CDH13: variants seen among roughly 807,000 people sequenced by gnomAD.
The protein encoded by CDH13 is cadherin-13.
A neutral mutation model predicts 63.8 loss-of-function variants in CDH13; 24 were observed. The observed-to-expected ratio is 0.38, with a 90% CI of 0.27 to 0.53. The LOEUF is 0.53. CDH13 is among the 20% of genes least tolerant of loss of function. The probability of loss-of-function intolerance (pLI) is 0.85; values close to 1 mark genes in which losing one functional copy is unlikely to be tolerated. For synonymous variants in CDH13, 503 were observed against 355.3 expected, an observed-to-expected ratio of 1.42 and a Z score of -4.67; for missense variants, 1,049 against 903.1, an observed-to-expected ratio of 1.16 and a Z score of -2.07.
At chr16:83,265,308 C>G (rs1367676358) in intron 5 of CDH13, among the ~76,000 whole-genome samples, 2 of 152,136 alleles carry the variant, frequency 1.3e-5, no homozygotes, top group Non-Finnish European at 2.9e-5. Context: ...TTTTTCCTTC[C>G]TGGTTAACCT....
chr16:83,634,219 C>T (rs1014661286), intron 8 of CDH13, among the ~76,000 whole-genome samples: 2 of 151,248 alleles, frequency 1.3e-5, no homozygotes, highest in East Asian at 2.0e-4. Flanking sequence ...CATCATGATA[C>T]AGGACAGCTG....
At chr16:83,484,136 T>C (rs17686362) in intron 6 of CDH13, among the ~76,000 whole-genome samples, 28,856 of 152,206 alleles carry the variant, frequency 0.19, 2,812 homozygotes, top group Middle Eastern at 0.27. Flanking sequence ...CTTCGTTGTT[T>C]ATCTGATCAA....
chr16:83,120,571 G>A (rs138684402), intron 3 of CDH13, among the ~76,000 whole-genome samples: 111 of 152,150 alleles, frequency 7.3e-4, no homozygotes, highest in East Asian at 1.9e-3. Context: ...CAAAGTTTAC[G>A]TCTTTTTAAA....
At chr16:82,683,883 C>T (rs1303799951) in intron 1 of CDH13, among the ~76,000 whole-genome samples, 1 of 152,114 alleles carries the variant, frequency 6.6e-6, no homozygotes, top group Non-Finnish European at 1.5e-5. Flanking sequence ...GTTTTGTTTT[C>T]TGTGTTGATA....
chr16:82,671,278 G>C (rs939618234), intron 1 of CDH13, among the ~76,000 whole-genome samples: 1 of 152,082 alleles, frequency 6.6e-6, no homozygotes, highest in East Asian at 1.9e-4. Flanking sequence ...TTTATTTTTT[G>C]GTGTGGTCTT....
intron 8 of CDH13, among the ~76,000 whole-genome samples, chr16:83,631,070 C>G (rs1243253550): frequency 6.6e-6 from 1 of 152,168 alleles, no homozygotes; most frequent in Non-Finnish European, 1.5e-5. Flanking sequence ...GCTAAAAGAG[C>G]TCTCCTCTTC....
At chr16:83,756,193 A>G (rs2150981828) in intron 11 of CDH13, among the ~76,000 whole-genome samples, 1 of 152,364 alleles carries the variant, frequency 6.6e-6, no homozygotes, top group East Asian at 1.9e-4. Flanking sequence ...GGGGAACAAC[A>G]TTAAAAAGAT....
At chr16:83,154,922 T>A (rs924209234) in intron 4 of CDH13, among the ~76,000 whole-genome samples, 2 of 152,232 alleles carry the variant, frequency 1.3e-5, no homozygotes, top group African/African-American at 4.8e-5. Context: ...TTGAACTACA[T>A]GTACAGATAT....
intron 5 of CDH13, among the ~76,000 whole-genome samples, chr16:83,301,224 G>C (rs989255424): frequency 1.3e-5 from 2 of 151,640 alleles, no homozygotes; most frequent in African/African-American, 4.8e-5. Flanking sequence ...GTAGAGATGG[G>C]GTTTCACTGT....
chr16:83,614,980 T>G (rs9938638), intron 8 of CDH13, among the ~76,000 whole-genome samples: 71,612 of 151,930 alleles, frequency 0.47, 18,372 homozygotes, highest in African/African-American at 0.68. Flanking sequence ...GCTAAACTTT[T>G]CTTTCTGATT....
At position 83,232,554 on chromosome 16, in the gene CDH13, A is replaced by AAC. The variant is rs777684891; in HGVS notation, c.636+15058_636+15059insCA. On this transcript the variant is annotated intron_variant, in intron 5 of 13. Transcript: ENST00000567109. The stretch of plus-strand genomic sequence containing the variant: ...ACGACAACAACAACAACAAACAAAC[A>AAC]AAAAAAAAAAAAAGTGTGGCACCTC... 4.8e-3 allele frequency among the ~76,000 whole-genome samples: 561 copies of AAC among 116,900 alleles called. 1 individual carries two copies. The highest frequency in any genetic ancestry group is 9.0e-3 in the Admixed American group (99 of 10,968). 76.7% of individuals were successfully genotyped at this position (116,900 alleles called of 152,430 possible). A position where few individuals can be genotyped will look rare whatever the true frequency, so the allele number is the denominator to read the frequency against.
Position 83,369,188 on chromosome 16 carries a change from G to T in CDH13, c.781+24182G>T, listed in dbSNP as rs188747266. On this transcript the variant is annotated intron_variant, in intron 6 of 13. Transcript: ENST00000567109. ...CTTGTTTACATTCCCACCAAGAATG[G>T]TCATGATCAAAAAATGAAAAAATAA... 5.9e-3 allele frequency among the ~76,000 whole-genome samples: 893 copies of T among 151,424 alleles called. 8 individuals are homozygous for T. The highest frequency in any genetic ancestry group is 0.021 in the African/African-American group (850 of 41,348).
intron 6 of CDH13, among the ~76,000 whole-genome samples, chr16:83,434,737 C>A (rs1031271706): frequency 6.6e-6 from 1 of 151,514 alleles, no homozygotes; most frequent in Non-Finnish European, 1.5e-5. Flanking sequence ...GTTGTTTTGT[C>A]TTTGGTTCCT....
chr16:82,772,034 G>T lies in CDH13; in HGVS notation c.46-86328G>T, dbSNP rs528796892. ...TACTTCATGTGTTACAGACAAAGCA[G>T]ATCCACTAGATGCAGCCTTTTGGAA... is the stretch of plus-strand genomic sequence containing the variant. On this transcript the variant is annotated intron_variant, in intron 1 of 13. Transcript: ENST00000567109. 6.6e-5 allele frequency among the ~76,000 whole-genome samples: 10 copies of T among 152,356 alleles called. No individual in the cohort carries two copies. The East Asian group carries it at 1.9e-3, about 29-fold the overall frequency.
intron 2 of CDH13, among the ~76,000 whole-genome samples, chr16:82,912,221 T>G (rs372471161): frequency 1.4e-5 from 2 of 143,880 alleles, no homozygotes; most frequent in Non-Finnish European, 3.0e-5. Context: ...ATGTTGTTTC[T>G]GCATGTTAAT....
intron 2 of CDH13, among the ~76,000 whole-genome samples, chr16:82,944,852 C>T (rs2151314156): frequency 6.6e-6 from 1 of 152,228 alleles, no homozygotes; most frequent in East Asian, 1.9e-4. Flanking sequence ...CCATTCCCTA[C>T]TTCATTTCAC....
chr16:83,541,864 A>G (rs1423809550), intron 7 of CDH13, among the ~76,000 whole-genome samples: 3 of 152,244 alleles, frequency 2.0e-5, no homozygotes, highest in Admixed American at 2.0e-4. Flanking sequence ...CCCTAGACAG[A>G]GCTTGCATCA....
intron 4 of CDH13, among the ~76,000 whole-genome samples, chr16:83,188,131 A>G (rs1415026528): frequency 6.6e-6 from 1 of 152,174 alleles, no homozygotes; most frequent in African/African-American, 2.4e-5. Context: ...CTTTATTCTA[A>G]TTGAGTGGGA....
chr16:83,742,605 A>G (rs1912171272), intron 10 of CDH13, among the ~76,000 whole-genome samples: 1 of 152,238 alleles, frequency 6.6e-6, no homozygotes, highest in Non-Finnish European at 1.5e-5. Context: ...AGAAATTTAC[A>G]TAGCGCGCCT....
Sources: allele counts gnomAD v4.1 joint callset (sites outside exome capture counted in the v4.1 genomes callset), GRCh38; gene constraint gnomAD v4.1.1; transcripts MANE v1.5; gene names NCBI Gene and HGNC (gene_info 2026-07-23, HGNC 2026-07-21).